Variants in TMPRSS15 observed in about 807,000 individuals in gnomAD.
The protein encoded by TMPRSS15 is enteropeptidase.
TMPRSS15 carries 128 observed loss-of-function variants against 125.3 expected under a neutral mutation model. The observed-to-expected ratio is 1.02, with a 90% CI of 0.89 to 1.18. The LOEUF (loss-of-function observed/expected upper bound fraction) is 1.18. TMPRSS15 is among the 50% of genes most tolerant of loss of function. The pLI is 0.00. For missense variants in TMPRSS15, 1,283 were observed against 1,212.7 expected, an observed-to-expected ratio of 1.06 and a Z score of -0.86; for synonymous variants, 446 against 423.2, an observed-to-expected ratio of 1.05 and a Z score of -0.66.
At chr21:18,317,806 TCCC>T (rs58179749) in intron 16 of TMPRSS15, among the ~76,000 whole-genome samples, 31,221 of 95,046 alleles carry the variant, frequency 0.33, 7,562 homozygotes, top group East Asian at 0.44. Context: ...TCCCATCCCA[TCCC>T]ATCCCATTCT....
At chr21:18,355,274 G>C (rs2075613699) in intron 8 of TMPRSS15, among the ~76,000 whole-genome samples, 1 of 151,746 alleles carries the variant, frequency 6.6e-6, no homozygotes, top group Non-Finnish European at 1.5e-5. Flanking sequence ...CTTGGACAAT[G>C]GCCTCTGGCT....
At chr21:18,333,774 C>G (rs2075366479) in intron 13 of TMPRSS15, among the ~76,000 whole-genome samples, 2 of 152,064 alleles carry the variant, frequency 1.3e-5, no homozygotes, top group Admixed American at 1.3e-4. Context: ...GAGTCTGACA[C>G]TTTAAGTAGG....
At chr21:18,402,721 T>C (rs1436545802) in intron 1 of TMPRSS15, among the ~76,000 whole-genome samples, 10 of 152,162 alleles carry the variant, frequency 6.6e-5, no homozygotes, top group Admixed American at 1.3e-4. Flanking sequence ...CAGAGCGGGA[T>C]TGTCTAGTTT....
intron 1 of TMPRSS15, among the ~76,000 whole-genome samples, chr21:18,459,935 T>C (rs1000937039): frequency 6.6e-6 from 1 of 152,196 alleles, no homozygotes; most frequent in African/African-American, 2.4e-5. Context: ...TGTTGTTTGA[T>C]GCTATAATAC....
At chr21:18,312,688 TA>T (rs773417709) in intron 18 of TMPRSS15, among the ~76,000 whole-genome samples, 106 of 151,950 alleles carry the variant, frequency 7.0e-4, no homozygotes, top group Non-Finnish European at 1.2e-3. Context: ...TGCCCACACA[TA>T]AGTATTTTGT....
At chr21:18,294,090 T>A (rs1246302923) in intron 21 of TMPRSS15, among the ~76,000 whole-genome samples, 180 bp downstream of exon 21, 3 of 152,376 alleles carry the variant, frequency 2.0e-5, no homozygotes, top group Non-Finnish European at 2.9e-5. Context: ...GATAATTTTT[T>A]AAAATGTATC....
chr21:18,385,487 T>C (rs1234351207), intron 3 of TMPRSS15, among the ~76,000 whole-genome samples: 3 of 152,126 alleles, frequency 2.0e-5, no homozygotes, highest in Admixed American at 2.0e-4. Flanking sequence ...TAATGGAAAC[T>C]TCTGGAAAAC....
chr21:18,452,475 G>A (rs13051249), intron 1 of TMPRSS15, among the ~76,000 whole-genome samples: 57,900 of 151,902 alleles, frequency 0.38, 13,221 homozygotes, highest in Non-Finnish European at 0.52. Flanking sequence ...ACCAGCCTAC[G>A]CAACATGGCG....
At chr21:18,359,492 T>C (rs551282134) in intron 8 of TMPRSS15, among the ~76,000 whole-genome samples, 2 of 152,238 alleles carry the variant, frequency 1.3e-5, no homozygotes, top group East Asian at 3.9e-4. Context: ...TAACCAAATA[T>C]ATAATTATAA....
chr21:18,270,260 A>G, intron 24 of TMPRSS15, 136 bp from the exon 25 acceptor site: 1 of 713,650 alleles, frequency 1.4e-6, no homozygotes, highest in African/African-American at 1.8e-5. Context: ...ATCTGTATAT[A>G]TTCTCACTTT....
intron 1 of TMPRSS15, among the ~76,000 whole-genome samples, chr21:18,480,843 T>C (rs974441084): frequency 6.6e-6 from 1 of 150,850 alleles, no homozygotes; most frequent in African/African-American, 2.5e-5. Flanking sequence ...CATGTGGCTC[T>C]TGTTGTATTA....
intron 18 of TMPRSS15, among the ~76,000 whole-genome samples, chr21:18,308,382 C>CAT (rs201804900): frequency 6.6e-6 from 1 of 150,526 alleles, no homozygotes; most frequent in Non-Finnish European, 1.5e-5. Flanking sequence ...GAATTACACA[C>CAT]ACACACACAC....
chr21:18,419,383 G>A (rs1479276082), intron 1 of TMPRSS15, among the ~76,000 whole-genome samples: 3 of 151,664 alleles, frequency 2.0e-5, no homozygotes, highest in South Asian at 2.1e-4. Flanking sequence ...CCGCCACCAC[G>A]CCCAGCTAAT....
intron 6 of TMPRSS15, among the ~76,000 whole-genome samples, chr21:18,370,064 G>C (rs2075777413): frequency 6.6e-6 from 1 of 151,134 alleles, no homozygotes; most frequent in Admixed American, 6.6e-5. Context: ...TCACTACTAA[G>C]GTTCAATTAA....
chr21:18,358,627 G>T (rs1311790810), intron 8 of TMPRSS15, among the ~76,000 whole-genome samples: 1 of 151,780 alleles, frequency 6.6e-6, no homozygotes, highest in African/African-American at 2.4e-5. Context: ...AAGAATAATG[G>T]TATTATGTTT....
intron 18 of TMPRSS15, among the ~76,000 whole-genome samples, chr21:18,309,825 T>A (rs1218883813): frequency 1.3e-5 from 2 of 152,136 alleles, no homozygotes; most frequent in African/African-American, 2.4e-5. Flanking sequence ...TTTTACACTG[T>A]TGGTGGGAGC....
At chr21:18,388,836 T>G (rs2123081604) in intron 3 of TMPRSS15, among the ~76,000 whole-genome samples, 1 of 152,266 alleles carries the variant, frequency 6.6e-6, no homozygotes, top group Non-Finnish European at 1.5e-5. Context: ...TTTATTAGCA[T>G]TTTGAAAAAG....
intron 19 of TMPRSS15, among the ~76,000 whole-genome samples, chr21:18,295,684 G>A (rs932541378): frequency 6.6e-6 from 1 of 152,202 alleles, no homozygotes; most frequent in Admixed American, 6.5e-5. Flanking sequence ...AATGATTTTA[G>A]TTGAAATATA....
Position 18,317,459 on chromosome 21 carries a change from G to A in TMPRSS15, c.1922-2203C>T, listed in dbSNP as rs536238221. 1.5e-4 allele frequency among the ~76,000 whole-genome samples: 22 copies of A among 151,500 alleles called. 1 individual carries two copies. In the South Asian group the frequency reaches 4.6e-3, roughly 32 times the overall value. On this transcript the variant is annotated intron_variant, in intron 16 of 24. Transcript: ENST00000284885. ...GGGGGTGTTTTTATGGGGGTAAGGG[G>A]AGGGTGGTGCTATCCAGCAAACCAA... is the stretch of plus-strand genomic sequence containing the variant.
Sources: allele counts gnomAD v4.1 joint callset (sites outside exome capture counted in the v4.1 genomes callset), GRCh38; gene constraint gnomAD v4.1.1; transcripts MANE v1.5; gene names NCBI Gene and HGNC (gene_info 2026-07-23, HGNC 2026-07-21).